ZPBP: variants seen among roughly 807,000 people sequenced by gnomAD.
ZPBP encodes zona pellucida-binding protein 1.
ZPBP carries 26 observed loss-of-function variants against 44.8 expected under a neutral mutation model. The observed-to-expected ratio is 0.58, with a 90% CI of 0.43 to 0.81. The LOEUF (loss-of-function observed/expected upper bound fraction) is 0.81. ZPBP is among the 30% of genes least tolerant of loss of function. The pLI is 0.00. For missense variants in ZPBP, 409 were observed against 434.0 expected, an observed-to-expected ratio of 0.94 and a Z score of 0.51; for synonymous variants, 174 against 153.2, an observed-to-expected ratio of 1.14 and a Z score of -1.00.
At chr7:49,937,112 T>C (rs1318502498), downstream of ZPBP, among the ~76,000 whole-genome samples, 1 of 152,066 alleles carries the variant, frequency 6.6e-6, no homozygotes, top group Non-Finnish European at 1.5e-5. Context: ...AAGGTGAAAC[T>C]AGAATGAATA....
At chr7:50,017,101 T>C (rs551768409) in intron 6 of ZPBP, among the ~76,000 whole-genome samples, 45 of 152,214 alleles carry the variant, frequency 3.0e-4, no homozygotes, top group African/African-American at 9.6e-4. Context: ...TTATTTATAT[T>C]ATTATTACAT....
intron 1 of ZPBP, among the ~76,000 whole-genome samples, chr7:49,902,408 G>A (rs532577807): frequency 1.3e-5 from 2 of 152,122 alleles, no homozygotes; most frequent in African/African-American, 4.8e-5. Context: ...CAGTGGAACA[G>A]CAGAACACAG....
chr7:49,940,033 C>CTTGG (rs1259679983), intron 7 of ZPBP, among the ~76,000 whole-genome samples: 1 of 152,152 alleles, frequency 6.6e-6, no homozygotes, highest in African/African-American at 2.4e-5. Context: ...CCAATCAGAG[C>CTTGG]TTGGCTACAT....
chr7:50,001,482 TG>T (rs1316108973), intron 6 of ZPBP, among the ~76,000 whole-genome samples: 1 of 152,228 alleles, frequency 6.6e-6, no homozygotes, highest in Non-Finnish European at 1.5e-5. Context: ...TAAGAAAACC[TG>T]TTCCTCTTTT....
intron 3 of ZPBP, among the ~76,000 whole-genome samples, chr7:50,062,576 A>G (rs186744372): frequency 2.0e-5 from 3 of 152,348 alleles, no homozygotes; most frequent in African/African-American, 7.2e-5. Flanking sequence ...CAATGGAGAA[A>G]TAAGTCCCTA....
intron 1 of ZPBP, among the ~76,000 whole-genome samples, chr7:49,923,178 C>T (rs2128747851): frequency 6.6e-6 from 1 of 152,054 alleles, no homozygotes; most frequent in East Asian, 1.9e-4. Context: ...AACAGAAAAA[C>T]AATGGTTAGG....
intron 4 of ZPBP, among the ~76,000 whole-genome samples, chr7:50,054,608 T>C (rs531688061): frequency 6.6e-6 from 1 of 152,120 alleles, no homozygotes; most frequent in Non-Finnish European, 1.5e-5. Flanking sequence ...TTTATATATA[T>C]AGAAAATTAT....
At chr7:49,896,881 A>ATTTTTTTTTTTTTT in intron 2 of ZPBP, among the ~76,000 whole-genome samples, 1 of 95,054 alleles carries the variant, frequency 1.1e-5, no homozygotes, top group Non-Finnish European at 2.1e-5. Flanking sequence ...TGGATTGATA[A>ATTTTTTTTTTTTTT]TTTTTTTTTT....
At chr7:50,085,763 A>G (rs1802603931) in intron 2 of ZPBP, among the ~76,000 whole-genome samples, 1 of 152,122 alleles carries the variant, frequency 6.6e-6, no homozygotes, top group African/African-American at 2.4e-5. Flanking sequence ...GGGGAAAACA[A>G]TAGGTTAACC....
intron 4 of ZPBP, among the ~76,000 whole-genome samples, chr7:50,054,333 G>A (rs1371505710): frequency 6.6e-6 from 1 of 152,066 alleles, no homozygotes; most frequent in Non-Finnish European, 1.5e-5. Flanking sequence ...CTTAAAGCAT[G>A]CATAAGAAAA....
intron 1 of ZPBP, among the ~76,000 whole-genome samples, chr7:49,909,812 GAA>G (rs1266480081): frequency 6.6e-6 from 1 of 152,178 alleles, no homozygotes; most frequent in African/African-American, 2.4e-5. Flanking sequence ...AAGAAGAAAA[GAA>G]AGTCCAGGGC....
At chr7:49,940,759 C>G (rs1466192833) in intron 7 of ZPBP, 4 of 985,060 alleles carry the variant, frequency 4.1e-6, no homozygotes, top group Middle Eastern at 5.2e-4. Flanking sequence ...AAGATTCCAT[C>G]CTACACAACT....
In ZPBP at chr7:49,890,730, CAAA is replaced by C. The variant is rs150953956; in HGVS notation, n.509+10385_509+10387del. On this transcript the variant is annotated intron_variant and non_coding_transcript_variant, in intron 2 of 2. Transcript: ENST00000465922. ...ACACACATTAAAACACAAAGCAAAA[CAAA>C]AAAAAAAAAAACTGATTTGAAAGCA... Among the ~76,000 whole-genome samples, 1,148 of 145,546 alleles carry C rather than the reference CAAA, an allele frequency of 7.9e-3. 14 individuals carry two copies. Among genetic ancestry groups the C allele is most frequent in the African/African-American group, 0.025 (997 of 39,982 alleles).
Position 50,093,126 on chromosome 7 carries a change from G to A in ZPBP, c.69C>T (p.Leu23=), listed in dbSNP as rs746502812. The A allele has an allele frequency of 6.4e-7, 1 of 1,570,826 alleles. No homozygotes were observed. Among genetic ancestry groups the A allele is most frequent in the Non-Finnish European group, 8.6e-7 (1 of 1,159,810 alleles). ...RRRTRAAGSL[L]SRAAILLFIS... Reference sequence around the variant, plus strand: ...TAAAGAGGAGGATGGCGGCCCGAGAGAGCAGGGAGCCGGCGGCCCGGGTCC... The same window carrying A: ...TAAAGAGGAGGATGGCGGCCCGAGAAAGCAGGGAGCCGGCGGCCCGGGTCC... Residue 23 remains leucine, a synonymous_variant, in exon 1 of 8, where the codon CTC becomes CTT. Transcript: ENST00000046087.
At chr7:50,087,404 AC>A (rs1255733079) in intron 2 of ZPBP, among the ~76,000 whole-genome samples, 1 of 152,048 alleles carries the variant, frequency 6.6e-6, no homozygotes, top group African/African-American at 2.4e-5. Flanking sequence ...AAGATAAAGA[AC>A]AAAAAACACA....
rs1020735499 is a variant in ZPBP, at chr7:50,029,983, G to A, written c.706+1109C>T. Among the ~76,000 whole-genome samples, 3 of 152,096 alleles carry A rather than the reference G, an allele frequency of 2.0e-5. No individual in the cohort carries two copies. In the South Asian group the frequency reaches 6.2e-4, roughly 32 times the overall value. On this transcript the variant is annotated intron_variant, in intron 5 of 7. Transcript: ENST00000046087. ...TGATTCTCCTGCCTCAGCCTCCCAA[G>A]TAGCTGGGATTATAGGCCCATGCCA...
rs1371424352 is a variant in ZPBP at position 49,910,529 on chromosome 7, G to T, written n.412-9314C>A. Among the ~76,000 whole-genome samples the T allele has an allele frequency of 2.0e-5, 3 of 152,148 alleles. No individual in the cohort carries two copies. The East Asian group carries it at 5.8e-4, about 29-fold the overall frequency. ...ACCAGTGTTTGAATTTTGGAGGGAG[G>T]TATAGAGGTAGAGCAGTTGCTCATA... On this transcript the variant is annotated intron_variant and non_coding_transcript_variant, in intron 1 of 2. Coordinates refer to the ZPBP transcript ENST00000465922.
intron 7 of ZPBP, among the ~76,000 whole-genome samples, chr7:49,964,960 A>G (rs1796001554): frequency 6.6e-6 from 1 of 152,098 alleles, no homozygotes. Context: ...GAAAATAACC[A>G]ATGTTCACAC....
intron 1 of ZPBP, among the ~76,000 whole-genome samples, chr7:49,907,653 G>A (rs924675896): frequency 1.3e-5 from 2 of 152,168 alleles, no homozygotes; most frequent in African/African-American, 2.4e-5. Flanking sequence ...ATACATTTTA[G>A]GGTAACATAA....
Sources: allele counts gnomAD v4.1 joint callset (sites outside exome capture counted in the v4.1 genomes callset), GRCh38; gene constraint gnomAD v4.1.1; transcripts MANE v1.5; gene names NCBI Gene and HGNC (gene_info 2026-07-23, HGNC 2026-07-21).